CHM: variants seen among roughly 807,000 people sequenced by gnomAD.
CHM encodes the protein CHM Rab escort protein.
CHM carries 10 observed loss-of-function variants against 49.0 expected under a neutral mutation model. The ratio of observed to expected loss-of-function variants is 0.20; its 90% CI spans 0.13 to 0.35. CHM has a LOEUF of 0.35. CHM is among the 10% of genes least tolerant of loss of function. The pLI, the probability that CHM is intolerant of heterozygous loss-of-function variation, is 1.00. For synonymous variants in CHM, 184 were observed against 167.5 expected (o/e 1.10, Z -0.76); for missense variants, 455 against 478.4 (o/e 0.95, Z 0.46).
chrX:85,885,921 TTTAGAG>T (rs1925057553), intron 12 of CHM, among the ~76,000 whole-genome samples: 1 of 111,729 alleles, frequency 9.0e-6, no homozygotes, highest in South Asian at 3.7e-4. Context: ...ACAAAATCCA[TTTAGAG>T]TTAATGATTT....
chrX:86,014,610 C>T (rs1213294267), intron 2 of CHM, among the ~76,000 whole-genome samples: 2 of 112,549 alleles, frequency 1.8e-5, no homozygotes, highest in Non-Finnish European at 3.8e-5. Flanking sequence ...GGGGTGTCCC[C>T]GGCTGTGGAG....
At chrX:86,012,434 C>T (rs1933115839) in intron 2 of CHM, among the ~76,000 whole-genome samples, 1 of 111,506 alleles carries the variant, frequency 9.0e-6, no homozygotes, top group South Asian at 3.8e-4. Flanking sequence ...AATAATTAAA[C>T]TTCCCTGGTA....
chrX:85,965,516 G>A (rs1427270139), intron 4 of CHM, among the ~76,000 whole-genome samples: 1 of 111,173 alleles, frequency 9.0e-6, no homozygotes, highest in African/African-American at 3.3e-5. Context: ...CCATAGATGT[G>A]GTATCCAATA....
At chrX:85,876,547 G>A (rs958073442) in intron 13 of CHM, among the ~76,000 whole-genome samples, 1 of 111,310 alleles carries the variant, frequency 9.0e-6, no homozygotes, top group African/African-American at 3.3e-5. Context: ...AGGTGACTTT[G>A]CCTTTTTGAC....
intron 8 of CHM, among the ~76,000 whole-genome samples, chrX:85,934,003 C>T (rs1288104490): frequency 7.6e-5 from 8 of 104,966 alleles, no homozygotes; most frequent in Middle Eastern, 5.1e-3. Context: ...TTCTTTGAGA[C>T]GGAGTCTCGC....
Position 86,001,356 on chromosome X carries a change from A to G in CHM, c.117-19547T>C, listed in dbSNP as rs184118464. Among the ~76,000 whole-genome samples the G allele has an allele frequency of 4.9e-3, 377 of 76,743 alleles. 3 individuals carry two copies. Among genetic ancestry groups the G allele is most frequent in the African/African-American group, 0.014 (358 of 26,153 alleles). The allele number at this position is 76,743 out of a possible 115,157, so 66.6% of individuals were successfully genotyped here. Reference sequence around the variant, plus strand: ...ATAAATCATGACATGTTCATCTGCAAAAAAAAAAAAATACTATACTGCCAG... The same window carrying G: ...ATAAATCATGACATGTTCATCTGCAGAAAAAAAAAAATACTATACTGCCAG... On this transcript the variant is annotated intron_variant, in intron 2 of 14. Transcript: ENST00000357749.
chrX:86,026,037 C>T (rs1933794645), intron 2 of CHM, among the ~76,000 whole-genome samples: 1 of 97,835 alleles, frequency 1.0e-5, no homozygotes, highest in African/African-American at 3.7e-5. Flanking sequence ...TCATGAAAAA[C>T]ATATCTGAAT....
At chrX:85,903,497 T>C (rs1926403324) in intron 9 of CHM, 2 of 361,196 alleles carry the variant, frequency 5.5e-6, no homozygotes, top group Middle Eastern at 5.7e-4. Flanking sequence ...AAAGAACTAA[T>C]GGAGATCACT....
At position 85,899,921 on chromosome X, in the gene CHM, T is replaced by C. The variant is rs375922390; in HGVS notation, c.1413+725A>G. ...CAAGACAAGACATAACAAGTGTTGA[T>C]GAGGATACAGAAAAAAGCAGACCCT... On this transcript the variant is annotated intron_variant, in intron 11 of 14. Transcript: ENST00000357749. 2.7e-5 allele frequency among the ~76,000 whole-genome samples: 3 copies of C among 110,683 alleles called. No homozygotes were observed. In the East Asian group the frequency reaches 8.6e-4, roughly 32 times the overall value.
intron 8 of CHM, among the ~76,000 whole-genome samples, chrX:85,922,003 C>A (rs1392227787): frequency 8.9e-6 from 1 of 111,862 alleles, no homozygotes; most frequent in African/African-American, 3.2e-5. Context: ...CACACATGTG[C>A]ATTTACACAC....
intron 12 of CHM, among the ~76,000 whole-genome samples, chrX:85,880,636 T>G (rs780852375): frequency 4.5e-5 from 5 of 111,651 alleles, no homozygotes; most frequent in African/African-American, 1.6e-4. Context: ...GAGATACACT[T>G]AAGTTAGTAT....
intron 1 of CHM, among the ~76,000 whole-genome samples, chrX:86,042,923 C>T (rs768623710): frequency 2.7e-5 from 3 of 111,658 alleles, no homozygotes; most frequent in Admixed American, 9.5e-5. Flanking sequence ...ATGACCCAAA[C>T]ACATCCCATC....
At chrX:85,986,356 C>A (rs1048060375) in intron 2 of CHM, among the ~76,000 whole-genome samples, 22 of 111,547 alleles carry the variant, frequency 2.0e-4, no homozygotes, top group African/African-American at 6.5e-4. Flanking sequence ...TTTCAGTGGG[C>A]AGCCCAGGAG....
At chrX:85,894,143 C>A (rs1406376664) in intron 12 of CHM, 45 bp downstream of exon 12, 9 of 987,686 alleles carry the variant, frequency 9.1e-6, no homozygotes, top group Non-Finnish European at 1.3e-5. Context: ...CCCCTTTACC[C>A]CCTAAACAAA....
chrX:85,935,341 G>A (rs1036173215), intron 8 of CHM, among the ~76,000 whole-genome samples: 5 of 111,339 alleles, frequency 4.5e-5, no homozygotes, highest in Non-Finnish European at 9.4e-5. Flanking sequence ...TCCAACACTG[G>A]GGGATCAAAT....
At chrX:85,919,241 G>A (rs1466224755) in intron 8 of CHM, among the ~76,000 whole-genome samples, 1 of 111,381 alleles carries the variant, frequency 9.0e-6, no homozygotes, top group Non-Finnish European at 1.9e-5. Context: ...GCTGTATAAG[G>A]TTAAAACTAT....
intron 5 of CHM, among the ~76,000 whole-genome samples, chrX:85,960,787 T>G (rs748801282): frequency 1.8e-5 from 2 of 111,212 alleles, no homozygotes; most frequent in Non-Finnish European, 3.8e-5. Flanking sequence ...TAAAGAGCAG[T>G]GCAATTTGAT....
Position 85,890,990 on chromosome X carries a change from C to T in CHM, c.1510+3198G>A, listed in dbSNP as rs747325856. Among the ~76,000 whole-genome samples, 8 of 111,133 alleles carry T rather than the reference C, an allele frequency of 7.2e-5. No individual in the cohort carries two copies. The East Asian group carries it at 1.1e-3, about 16-fold the overall frequency. ...GGAGCTGAGGAACTTGTTGGGAACTCGAGTAAAGGTGACTCTTGTTATGTT... is the reference window on the plus strand; with the variant it reads ...GGAGCTGAGGAACTTGTTGGGAACTTGAGTAAAGGTGACTCTTGTTATGTT... On this transcript the variant is annotated intron_variant, in intron 12 of 14. Transcript: ENST00000357749.
At chrX:86,026,162 C>T (rs1240577068) in intron 2 of CHM, among the ~76,000 whole-genome samples, 1 of 72,464 alleles carries the variant, frequency 1.4e-5, no homozygotes, top group African/African-American at 5.7e-5. Flanking sequence ...CTCTGTCACC[C>T]AGGTTGTAGT....
Sources: allele counts gnomAD v4.1 joint callset (sites outside exome capture counted in the v4.1 genomes callset), GRCh38; gene constraint gnomAD v4.1.1; transcripts MANE v1.5; gene names NCBI Gene and HGNC (gene_info 2026-07-23, HGNC 2026-07-21).